The following SDK1 variants were observed in gnomAD, a reference collection of about 807,000 sequenced individuals.
SDK1 encodes sidekick cell adhesion molecule 1, also known as protein sidekick-1.
In SDK1, 157 loss-of-function variants were observed where a neutral mutation model predicts 245.5. The observed-to-expected ratio is 0.64, with a 90% CI of 0.56 to 0.73. The LOEUF (loss-of-function observed/expected upper bound fraction) is 0.73. Among genes scored for constraint, SDK1 ranks in the 30% least tolerant of loss-of-function variants. SDK1 has a pLI of 0.00. For missense variants in SDK1, 3,583 were observed against 3,002.3 expected (o/e 1.19, Z -4.52); for synonymous variants, 1,647 against 1,278.5 (o/e 1.29, Z -6.15).
At chr7:4,089,807 A>G (rs530291407) in intron 22 of SDK1, among the ~76,000 whole-genome samples, 1 of 152,340 alleles carries the variant, frequency 6.6e-6, no homozygotes, top group African/African-American at 2.4e-5. Flanking sequence ...AGAATCCTAC[A>G]GAGAATTCCC....
intron 1 of SDK1, among the ~76,000 whole-genome samples, chr7:3,516,311 T>A (rs886894273): frequency 6.6e-6 from 1 of 152,030 alleles, no homozygotes; most frequent in Non-Finnish European, 1.5e-5. Flanking sequence ...CAGCTGTAGA[T>A]CATAGGATAC....
intron 1 of SDK1, among the ~76,000 whole-genome samples, chr7:3,515,022 T>TC (rs1432028846): frequency 2.0e-5 from 3 of 152,162 alleles, no homozygotes; most frequent in Non-Finnish European, 4.4e-5. Context: ...ATTATTAGGC[T>TC]TGGAGGGTGC....
At chr7:3,587,469 G>C (rs576504200) in intron 1 of SDK1, among the ~76,000 whole-genome samples, 1 of 152,262 alleles carries the variant, frequency 6.6e-6, no homozygotes, top group South Asian at 2.1e-4. Flanking sequence ...CAAGGGTACA[G>C]GTTCCAGTAT....
chr7:3,914,923 C>T (rs146600261), intron 5 of SDK1, among the ~76,000 whole-genome samples: 1 of 152,272 alleles, frequency 6.6e-6, no homozygotes, highest in Non-Finnish European at 1.5e-5. Context: ...TCTTAAGTGA[C>T]GGGCAAGACT....
chr7:3,559,879 G>A (rs1779695949), intron 1 of SDK1, among the ~76,000 whole-genome samples: 1 of 151,986 alleles, frequency 6.6e-6, no homozygotes, highest in Admixed American at 6.6e-5. Flanking sequence ...TGTATCCCTT[G>A]CTCCTAGTAT....
intron 1 of SDK1, among the ~76,000 whole-genome samples, chr7:3,344,921 A>G (rs1780453766): frequency 1.3e-5 from 2 of 152,224 alleles, no homozygotes; most frequent in Non-Finnish European, 2.9e-5. Flanking sequence ...CTTCATTTCC[A>G]GGTCCACACA....
intron 1 of SDK1, among the ~76,000 whole-genome samples, chr7:3,595,370 T>G (rs564044720): frequency 6.6e-6 from 1 of 152,278 alleles, no homozygotes; most frequent in East Asian, 1.9e-4. Context: ...AAATATATAT[T>G]AATAGCTACT....
chr7:4,210,873 G>T (rs1784475474), intron 38 of SDK1, among the ~76,000 whole-genome samples: 1 of 152,222 alleles, frequency 6.6e-6, no homozygotes, highest in Non-Finnish European at 1.5e-5. Context: ...GGAGGAAAGA[G>T]AGGAGGGCTA....
At chr7:4,139,737 ATGTG>A (rs753347309) in intron 28 of SDK1, among the ~76,000 whole-genome samples, 9 of 63,206 alleles carry the variant, frequency 1.4e-4, no homozygotes, top group Middle Eastern at 0.016. Context: ...GTGTGTGTGT[ATGTG>A]TGTGTGTGTG....
chr7:3,724,838 C>A (rs986036272), intron 4 of SDK1, among the ~76,000 whole-genome samples: 1 of 152,220 alleles, frequency 6.6e-6, no homozygotes, highest in Non-Finnish European at 1.5e-5. Flanking sequence ...CATCCCATGT[C>A]ATTTCCACCA....
intron 5 of SDK1, among the ~76,000 whole-genome samples, chr7:3,850,364 A>G (rs1780388855): frequency 6.6e-6 from 1 of 152,000 alleles, no homozygotes; most frequent in Non-Finnish European, 1.5e-5. Context: ...GACTTATTTT[A>G]CTCTTTTCTG....
intron 1 of SDK1, among the ~76,000 whole-genome samples, chr7:3,318,336 G>A (rs1231463312): frequency 2.0e-5 from 3 of 152,186 alleles, no homozygotes. Flanking sequence ...AAGAGCTTGT[G>A]ACCTTGGGCA....
chr7:3,572,315 G>A (rs1278359719), intron 1 of SDK1, among the ~76,000 whole-genome samples: 1 of 152,000 alleles, frequency 6.6e-6, no homozygotes, highest in Non-Finnish European at 1.5e-5. Context: ...ATTGATGGCA[G>A]TTCTAGGCAA....
chr7:4,207,879 A>C (rs1225872502), intron 36 of SDK1, among the ~76,000 whole-genome samples: 3 of 152,206 alleles, frequency 2.0e-5, no homozygotes, highest in African/African-American at 7.2e-5. Context: ...AATGTTAAAC[A>C]TCGTCTCCCA....
intron 2 of SDK1, among the ~76,000 whole-genome samples, chr7:3,630,918 G>C (rs1445979444): frequency 6.6e-6 from 1 of 151,860 alleles, no homozygotes; most frequent in East Asian, 1.9e-4. Flanking sequence ...CTAAGCTGTG[G>C]GGAAGATTTC....
chr7:4,012,350 G>C (rs2128149676), intron 16 of SDK1, 115 bp downstream of exon 16: 1 of 1,170,850 alleles, frequency 8.5e-7, no homozygotes, highest in African/African-American at 1.6e-5. Flanking sequence ...AAGGAGTCAG[G>C]CCAGGTGTGA....
intron 1 of SDK1, among the ~76,000 whole-genome samples, chr7:3,560,259 T>C (rs1390866059): frequency 1.3e-5 from 2 of 152,192 alleles, no homozygotes; most frequent in African/African-American, 4.8e-5. Flanking sequence ...AAAATACAAA[T>C]GTCCAATTAA....
At chr7:3,455,172 A>G (rs1188946404) in intron 1 of SDK1, among the ~76,000 whole-genome samples, 6 of 151,800 alleles carry the variant, frequency 4.0e-5, no homozygotes, top group African/African-American at 4.8e-5. Context: ...TTAAAAATAT[A>G]TATTCTAGAT....
intron 22 of SDK1, among the ~76,000 whole-genome samples, chr7:4,092,532 C>T (rs1041402669): frequency 2.0e-5 from 3 of 152,196 alleles, no homozygotes; most frequent in Non-Finnish European, 2.9e-5. Flanking sequence ...GCAAGACAAA[C>T]CCAGGCCTTC....
Sources: gnomAD v4.1 joint callset for allele counts (sites outside exome capture counted in the v4.1 genomes callset) on GRCh38, gnomAD v4.1.1 for gene constraint, MANE v1.5 for transcripts, NCBI Gene and HGNC (gene_info 2026-07-23, HGNC 2026-07-21) for gene names.